The following PLCL1 variants were observed in gnomAD, a reference collection of about 807,000 sequenced individuals.
PLCL1 encodes phospholipase C like 1 (inactive).
Under a neutral mutation model 84.4 loss-of-function variants are expected in PLCL1, and 41 were observed. The ratio of observed to expected loss-of-function variants is 0.49; its 90% CI spans 0.38 to 0.63. PLCL1 has a LOEUF of 0.63. Ranked by LOEUF, PLCL1 falls within the 30% of genes least tolerant of loss-of-function variation. The probability of loss-of-function intolerance (pLI) is 0.00; values close to 1 mark genes in which losing one functional copy is unlikely to be tolerated. For missense variants in PLCL1, 1,206 were observed against 1,367.8 expected, an observed-to-expected ratio of 0.88 and a Z score of 1.87; for synonymous variants, 490 against 488.3, an observed-to-expected ratio of 1.00 and a Z score of -0.05.
chr2:198,114,581 T>G (rs1201522361), intron 5 of PLCL1, among the ~76,000 whole-genome samples: 1 of 151,860 alleles, frequency 6.6e-6, no homozygotes, highest in Admixed American at 6.6e-5. Context: ...TTTGATGTCT[T>G]AACTCTGCAT....
At chr2:198,051,181 A>G (rs1238470721) in intron 1 of PLCL1, among the ~76,000 whole-genome samples, 1 of 152,226 alleles carries the variant, frequency 6.6e-6, no homozygotes, top group Non-Finnish European at 1.5e-5. Flanking sequence ...ATGGATAACA[A>G]GAGGAACAAA....
At chr2:198,077,605 A>G (rs953353549) in intron 1 of PLCL1, among the ~76,000 whole-genome samples, 1 of 152,108 alleles carries the variant, frequency 6.6e-6, no homozygotes, top group African/African-American at 2.4e-5. Context: ...CTTTTATTTA[A>G]TAGGTGACTG....
chr2:198,107,258 A>G (rs756968272), intron 5 of PLCL1, among the ~76,000 whole-genome samples: 2 of 151,724 alleles, frequency 1.3e-5, no homozygotes, highest in Non-Finnish European at 2.9e-5. Context: ...CATGAGGATA[A>G]CCTCCCTTAT....
intron 1 of PLCL1, chr2:197,810,376 G>C: frequency 1.5e-6 from 1 of 645,374 alleles, no homozygotes; most frequent in Non-Finnish European, 2.4e-6. Flanking sequence ...CTGTTGATTA[G>C]TGTTTGCTAC....
At chr2:198,066,054 GA>G (rs1013988367) in intron 1 of PLCL1, among the ~76,000 whole-genome samples, 1 of 152,046 alleles carries the variant, frequency 6.6e-6, no homozygotes, top group African/African-American at 2.4e-5. Context: ...TTATTTAGTG[GA>G]AATCCTGAGA....
chr2:197,964,147 A>AT (rs1175949849), intron 1 of PLCL1, among the ~76,000 whole-genome samples: 5 of 152,072 alleles, frequency 3.3e-5, no homozygotes, highest in Non-Finnish European at 7.4e-5. Context: ...TGTCATTGGT[A>AT]TTTTGATAGA....
intron 1 of PLCL1, among the ~76,000 whole-genome samples, chr2:197,876,493 T>G (rs983308307): frequency 6.6e-6 from 1 of 152,270 alleles, no homozygotes; most frequent in African/African-American, 2.4e-5. Context: ...AGAGAACATT[T>G]TTTTTTTGAA....
At chr2:198,015,683 C>CA (rs1690979528) in intron 1 of PLCL1, among the ~76,000 whole-genome samples, 1 of 151,918 alleles carries the variant, frequency 6.6e-6, no homozygotes, top group Non-Finnish European at 1.5e-5. Flanking sequence ...TCCGAGTTAA[C>CA]AAATGGATAA....
rs566580173 is a variant in PLCL1 at position 198,030,889 on chromosome 2, C to T, written c.241-52869C>T. ...TGAGTGTTGTAATATAGAAGGCAGA[C>T]TTTCTGTGTTCGTAAGGCACAAGAG... is the stretch of plus-strand genomic sequence containing the variant. On this transcript the variant is annotated intron_variant, in intron 1 of 5. Transcript: ENST00000428675. Among the ~76,000 whole-genome samples, 592 of 152,266 alleles carry T rather than the reference C, an allele frequency of 3.9e-3. 8 individuals are homozygous for T. The South Asian group carries it at 0.039, about 10-fold the overall frequency.
chr2:197,858,357 C>G (rs146087232), intron 1 of PLCL1, among the ~76,000 whole-genome samples: 1 of 152,070 alleles, frequency 6.6e-6, no homozygotes, highest in Admixed American at 6.6e-5. Flanking sequence ...TGAGGCTTAG[C>G]GAATCAAGCC....
At chr2:197,978,470 T>A (rs1466461346) in intron 1 of PLCL1, among the ~76,000 whole-genome samples, 1 of 152,076 alleles carries the variant, frequency 6.6e-6, no homozygotes. Context: ...AGAGGGAGAC[T>A]CCGTCTCAAA....
chr2:197,880,295 C>T (rs994462146), intron 1 of PLCL1, among the ~76,000 whole-genome samples: 4 of 152,062 alleles, frequency 2.6e-5, no homozygotes, highest in Admixed American at 2.0e-4. Flanking sequence ...AGCCGAAGGA[C>T]TTTGGGTAAA....
intron 1 of PLCL1, among the ~76,000 whole-genome samples, chr2:197,821,069 C>T (rs1690805898): frequency 6.6e-6 from 1 of 152,098 alleles, no homozygotes; most frequent in Admixed American, 6.6e-5. Flanking sequence ...GGTGCTATAA[C>T]CCACAAGGAC....
chr2:197,903,558 A>T (rs1559040592), intron 1 of PLCL1, among the ~76,000 whole-genome samples: 1 of 124,150 alleles, frequency 8.1e-6, no homozygotes, highest in Non-Finnish European at 1.6e-5. Context: ...ATCTCGGCTC[A>T]CTGCAAGCTC....
chr2:197,915,534 T>C (rs752487825), intron 1 of PLCL1, among the ~76,000 whole-genome samples: 81 of 152,238 alleles, frequency 5.3e-4, no homozygotes, highest in Non-Finnish European at 8.4e-4. Context: ...TTTTTTTTTT[T>C]TTGAAGTCCG....
At chr2:197,972,255 T>C (rs2105798232) in intron 1 of PLCL1, among the ~76,000 whole-genome samples, 1 of 152,384 alleles carries the variant, frequency 6.6e-6, no homozygotes, top group Admixed American at 6.5e-5. Flanking sequence ...GTACAGGGTT[T>C]GTTTTGCAAT....
rs578020958 is a variant in PLCL1 at position 197,973,790 on chromosome 2, G to C, written c.241-109968G>C. ...GTCAAGTGGGCCTTGCAGGCCATGGGGAAAAATTTGGATTTTATTGTAAGA... is the reference window on the plus strand; with the variant it reads ...GTCAAGTGGGCCTTGCAGGCCATGGCGAAAAATTTGGATTTTATTGTAAGA... On this transcript the variant is annotated intron_variant, in intron 1 of 5. Coordinates refer to ENST00000428675, the MANE Select transcript of PLCL1 (RefSeq NM_006226.4). 7.2e-5 allele frequency among the ~76,000 whole-genome samples: 11 copies of C among 152,320 alleles called. No individual in the cohort carries two copies. The East Asian group carries it at 2.1e-3, about 29-fold the overall frequency.
At chr2:197,824,465 A>T (rs696816) in intron 1 of PLCL1, among the ~76,000 whole-genome samples, 2 of 152,094 alleles carry the variant, frequency 1.3e-5, no homozygotes, top group African/African-American at 4.8e-5. Context: ...TGTAATCCAA[A>T]CACTTTGGGG....
chr2:198,081,843 A>G (rs772090470), intron 1 of PLCL1, among the ~76,000 whole-genome samples: 2 of 152,202 alleles, frequency 1.3e-5, no homozygotes, highest in African/African-American at 2.4e-5. Context: ...AGAACTGATG[A>G]AATGAGGCCC....
Sources: allele counts gnomAD v4.1 joint callset (sites outside exome capture counted in the v4.1 genomes callset), GRCh38; gene constraint gnomAD v4.1.1; transcripts MANE v1.5; gene names NCBI Gene and HGNC (gene_info 2026-07-23, HGNC 2026-07-21).